NFASC: variants seen among roughly 807,000 people sequenced by gnomAD.
NFASC encodes the protein neurofascin.
A neutral mutation model predicts 147.5 loss-of-function variants in NFASC; 43 were observed. The ratio of observed to expected loss-of-function variants is 0.29; its 90% CI spans 0.23 to 0.38. The LOEUF is 0.38. NFASC is among the 10% of genes least tolerant of loss of function. NFASC has a pLI of 1.00. For missense variants in NFASC, 1,320 were observed against 1,689.0 expected, an observed-to-expected ratio of 0.78 and a Z score of 3.83; for synonymous variants, 622 against 665.5, an observed-to-expected ratio of 0.93 and a Z score of 1.01.
rs1001536220 is a variant in NFASC at position 204,979,164 on chromosome 1, C to T, written c.1978+95C>T. 2.9e-5 allele frequency: 32 copies of T among 1,119,736 alleles called. No individual in the cohort carries two copies. The highest frequency in any genetic ancestry group is 1.3e-4 in the East Asian group (5 of 38,610). 69.4% of individuals were successfully genotyped at this position (1,119,736 alleles called of 1,614,324 possible). A position where few individuals can be genotyped will look rare whatever the true frequency, so the allele number is the denominator to read the frequency against. On this transcript the variant is annotated intron_variant, in intron 18 of 29. Coordinates refer to ENST00000339876, the MANE Select transcript of NFASC (RefSeq NM_001005388.3). This position sits in a 1 kb window ranked among gnomAD's most constrained non-coding sequence, Gnocchi z 6.0. The stretch of plus-strand genomic sequence containing the variant: ...CTGGTTTCCAGCCCCACTTCTGCCT[C>T]GCTTGATGTGTGTCCTGGGCTAACC...
intron 1 of NFASC, among the ~76,000 whole-genome samples, chr1:204,908,651 A>G (rs981234712): frequency 1.3e-5 from 2 of 152,260 alleles, no homozygotes; most frequent in South Asian, 2.1e-4. Flanking sequence ...CATCAGGATC[A>G]CCAGAAGGAT....
chr1:205,002,325 T>C (rs2096005786), intron 26 of NFASC, among the ~76,000 whole-genome samples: 1 of 152,190 alleles, frequency 6.6e-6, no homozygotes. Flanking sequence ...TAGGTTATAA[T>C]ATGTCTAGTG....
At chr1:204,849,734 C>T (rs2075507007) in intron 1 of NFASC, among the ~76,000 whole-genome samples, 2 of 152,178 alleles carry the variant, frequency 1.3e-5, no homozygotes, top group African/African-American at 4.8e-5. Context: ...GAAGTGCCCG[C>T]AGTTGGGTGG....
At chr1:204,836,719 G>A (rs1673901452) in intron 1 of NFASC, among the ~76,000 whole-genome samples, 1 of 152,194 alleles carries the variant, frequency 6.6e-6, no homozygotes, top group Non-Finnish European at 1.5e-5. Context: ...TGCCTCCAAG[G>A]CCATAGATGA....
chr1:204,966,184 C>T (rs1040577727), intron 8 of NFASC, among the ~76,000 whole-genome samples: 6 of 152,142 alleles, frequency 3.9e-5, no homozygotes, highest in Admixed American at 3.9e-4. Context: ...TTGCTGTAAC[C>T]TCTTTATAGT....
chr1:204,846,980 G>T lies in NFASC; in HGVS notation c.-200+18198G>T, dbSNP rs956352386. Among the ~76,000 whole-genome samples, 5 of 127,572 alleles carry T rather than the reference G, an allele frequency of 3.9e-5. 1 individual carries two copies. The Admixed American group carries it at 4.0e-4, about 10-fold the overall frequency. 83.7% of individuals were successfully genotyped at this position (127,572 alleles called of 152,430 possible). On this transcript the variant is annotated intron_variant, in intron 1 of 29. Transcript: ENST00000339876. Reference sequence around the variant, plus strand: ...GTGTGTGTGTGTGTGTGTGTGTGTGGTGTGTAGGAGAAGAGGGAGAAAAGA... The same window carrying T: ...GTGTGTGTGTGTGTGTGTGTGTGTGTTGTGTAGGAGAAGAGGGAGAAAAGA...
intron 1 of NFASC, among the ~76,000 whole-genome samples, chr1:204,889,684 T>C (rs996278756): frequency 6.6e-6 from 1 of 152,192 alleles, no homozygotes; most frequent in African/African-American, 2.4e-5. Flanking sequence ...GCCCCCAGTG[T>C]GCAATATCCT....
In NFASC at chr1:204,968,205, C is replaced by A; in HGVS notation, c.707-44C>A. 1 of 1,483,422 alleles carries A rather than the reference C, an allele frequency of 6.7e-7. No individual in the cohort carries two copies. The highest frequency in any genetic ancestry group is 1.1e-5 in the South Asian group (1 of 88,244). 91.9% of individuals were successfully genotyped at this position (1,483,422 alleles called of 1,614,324 possible). On this transcript the variant is annotated intron_variant, in intron 8 of 29. Coordinates refer to ENST00000339876, the MANE Select transcript of NFASC (RefSeq NM_001005388.3). This position sits in a 1 kb window ranked among gnomAD's most constrained non-coding sequence, Gnocchi z 5.4. The stretch of plus-strand genomic sequence containing the variant: ...ACAGCGTTGGCCTAGTGGGGTCTGC[C>A]TTCTGGAAGGAGGCTCATGGGAGTT...
chr1:204,853,627 T>C (rs1270684027), intron 1 of NFASC, among the ~76,000 whole-genome samples: 1 of 152,192 alleles, frequency 6.6e-6, no homozygotes, highest in African/African-American at 2.4e-5. Flanking sequence ...GCATGTGTCC[T>C]AAACACAGCT....
intron 1 of NFASC, among the ~76,000 whole-genome samples, chr1:204,884,896 G>A (rs2081007288): frequency 1.3e-5 from 2 of 152,172 alleles, no homozygotes; most frequent in South Asian, 4.1e-4. Context: ...ACTAGAGAGA[G>A]AATCACACAG....
intron 7 of NFASC, among the ~76,000 whole-genome samples, chr1:204,956,982 T>A (rs1370279801): frequency 2.6e-5 from 4 of 152,226 alleles, no homozygotes; most frequent in African/African-American, 9.7e-5. Context: ...CATTTTCATA[T>A]TTTAACATCT....
chr1:204,840,020 G>T (rs969437761), intron 1 of NFASC, among the ~76,000 whole-genome samples: 6 of 152,184 alleles, frequency 3.9e-5, no homozygotes, highest in Non-Finnish European at 8.8e-5. Flanking sequence ...AACTTTTCTG[G>T]CTGCCTTGCA....
chr1:204,863,538 G>A (rs747156638), intron 1 of NFASC, among the ~76,000 whole-genome samples: 12 of 152,030 alleles, frequency 7.9e-5, no homozygotes, highest in Non-Finnish European at 1.8e-4. Flanking sequence ...TTTCCAGAAC[G>A]TTTTCACCCC....
chr1:204,894,773 C>T (rs1010846227), intron 1 of NFASC, among the ~76,000 whole-genome samples: 6 of 152,216 alleles, frequency 3.9e-5, no homozygotes, highest in Non-Finnish European at 5.9e-5. Context: ...CCTGCATCAT[C>T]CACTGTCTTC....
At chr1:204,886,552 G>A (rs1463393381) in intron 1 of NFASC, among the ~76,000 whole-genome samples, 1 of 152,164 alleles carries the variant, frequency 6.6e-6, no homozygotes, top group African/African-American at 2.4e-5. Flanking sequence ...CACACTCAGA[G>A]TTCCTGATTC....
chr1:204,927,031 C>T (rs1410444303), intron 2 of NFASC, among the ~76,000 whole-genome samples: 5 of 152,112 alleles, frequency 3.3e-5, no homozygotes, highest in East Asian at 1.9e-4. Context: ...GCCGAGATGG[C>T]GCCACTGCAC....
At chr1:204,965,350 G>C (rs193164454) in intron 8 of NFASC, among the ~76,000 whole-genome samples, 102 of 152,286 alleles carry the variant, frequency 6.7e-4, no homozygotes, top group African/African-American at 2.4e-3. Context: ...CCCTCTTTGA[G>C]AACAGTGGCT....
intron 1 of NFASC, among the ~76,000 whole-genome samples, chr1:204,881,574 G>A (rs2080237906): frequency 6.6e-6 from 1 of 152,152 alleles, no homozygotes; most frequent in African/African-American, 2.4e-5. Context: ...GTAGGGAAGA[G>A]CTTCTGGTAT....
chr1:204,952,178 C>T, intron 5 of NFASC, 62 bp downstream of exon 5: 2 of 1,297,844 alleles, frequency 1.5e-6, no homozygotes, highest in Non-Finnish European at 2.2e-6. Context: ...CTGATGATAA[C>T]TAAGGCAAAT....
Sources: gnomAD v4.1 joint callset for allele counts (sites outside exome capture counted in the v4.1 genomes callset) on GRCh38, gnomAD v4.1.1 for gene constraint, Gnocchi (gnomAD v3.1) non-coding constraint, MANE v1.5 for transcripts, NCBI Gene and HGNC (gene_info 2026-07-23, HGNC 2026-07-21) for gene names.